ETV6: variants seen among roughly 807,000 people sequenced by gnomAD.
The protein encoded by ETV6 is transcription factor ETV6.
In ETV6, 16 loss-of-function variants were observed where a neutral mutation model predicts 51.1. That is an observed-to-expected ratio of 0.31 (90% confidence interval 0.21 to 0.48). The LOEUF (loss-of-function observed/expected upper bound fraction) is 0.48. Among genes scored for constraint, ETV6 ranks in the 20% least tolerant of loss-of-function variants. The probability of loss-of-function intolerance (pLI) is 0.99; values close to 1 mark genes in which losing one functional copy is unlikely to be tolerated. For missense variants in ETV6, 458 were observed against 594.8 expected (o/e 0.77, Z 2.39); for synonymous variants, 240 against 224.1 (o/e 1.07, Z -0.64).
intron 5 of ETV6, among the ~76,000 whole-genome samples, chr12:11,874,096 C>G (rs1946924538): frequency 8.9e-6 from 1 of 111,826 alleles, no homozygotes; most frequent in Non-Finnish European, 1.8e-5. Flanking sequence ...ATTTTTCAGG[C>G]TGGGTACTGT....
At chr12:11,688,842 G>C (rs373896868) in intron 1 of ETV6, among the ~76,000 whole-genome samples, 1 of 152,210 alleles carries the variant, frequency 6.6e-6, no homozygotes, top group Non-Finnish European at 1.5e-5. Context: ...TATGTTTAGA[G>C]AGCAAGGTTA....
At chr12:11,771,867 T>C (rs957216853) in intron 2 of ETV6, among the ~76,000 whole-genome samples, 2 of 152,184 alleles carry the variant, frequency 1.3e-5, no homozygotes, top group Non-Finnish European at 2.9e-5. Context: ...AGCAAGAATG[T>C]AACTTGGAGT....
intron 2 of ETV6, among the ~76,000 whole-genome samples, chr12:11,803,415 A>G (rs916570692): frequency 1.3e-5 from 2 of 152,206 alleles, no homozygotes; most frequent in East Asian, 3.8e-4. Context: ...AATGAATCCT[A>G]AAAGTCAAAA....
At chr12:11,819,199 C>G (rs1946040084) in intron 2 of ETV6, among the ~76,000 whole-genome samples, 1 of 152,194 alleles carries the variant, frequency 6.6e-6, no homozygotes, top group African/African-American at 2.4e-5. Context: ...AGCGCCTCAA[C>G]CCTCCGTGAT....
intron 2 of ETV6, among the ~76,000 whole-genome samples, chr12:11,767,663 C>T (rs926596211): frequency 1.3e-5 from 2 of 152,184 alleles, no homozygotes; most frequent in African/African-American, 4.8e-5. Context: ...ACTCTATGAC[C>T]TTAATAAACT....
At chr12:11,706,967 G>A (rs1865083574) in intron 1 of ETV6, among the ~76,000 whole-genome samples, 1 of 152,194 alleles carries the variant, frequency 6.6e-6, no homozygotes, top group Non-Finnish European at 1.5e-5. Context: ...TATTTGAAAA[G>A]GAAGACAAAC....
At chr12:11,797,301 CCA>C (rs1434217101) in intron 2 of ETV6, among the ~76,000 whole-genome samples, 1 of 152,122 alleles carries the variant, frequency 6.6e-6, no homozygotes, top group Non-Finnish European at 1.5e-5. Flanking sequence ...TCGGCTGTAC[CCA>C]CAGAGTCAGG....
intron 1 of ETV6, among the ~76,000 whole-genome samples, chr12:11,655,083 G>T (rs1863975639): frequency 6.6e-6 from 1 of 152,150 alleles, no homozygotes; most frequent in Non-Finnish European, 1.5e-5. Flanking sequence ...GGCAAGGTGG[G>T]GGCACAGGGT....
At chr12:11,867,039 CAG>C (rs1239903045) in intron 4 of ETV6, among the ~76,000 whole-genome samples, 1 of 152,340 alleles carries the variant, frequency 6.6e-6, no homozygotes, top group Non-Finnish European at 1.5e-5. Flanking sequence ...TCAACAGAAT[CAG>C]GGGGAAAGCT....
intron 1 of ETV6, among the ~76,000 whole-genome samples, chr12:11,748,752 G>A (rs1487645428): frequency 6.6e-6 from 1 of 152,146 alleles, no homozygotes; most frequent in East Asian, 1.9e-4. Context: ...TAAGCATTCA[G>A]TTTAAAAATG....
chr12:11,887,394 A>T (rs1211212685), intron 7 of ETV6, among the ~76,000 whole-genome samples: 1 of 152,168 alleles, frequency 6.6e-6, no homozygotes, highest in African/African-American at 2.4e-5. Context: ...GTCCCCTTAA[A>T]TATCACATTT....
At position 11,869,638 on chromosome 12, in the gene ETV6, G is replaced by T; in HGVS notation, c.678G>T (p.Glu226Asp). 1.2e-6 allele frequency: 2 copies of T among 1,614,168 alleles called. No individual in the cohort carries two copies. Among genetic ancestry groups the T allele is most frequent in the African/African-American group, 1.3e-5 (1 of 75,052 alleles). Residue 226 changes from glutamate to aspartate, a missense_variant, in exon 5 of 8, where the codon GAG becomes GAT. By Grantham distance (45) the Glu-to-Asp change is conservative. Coordinates refer to ENST00000396373, the MANE Select transcript of ETV6 (RefSeq NM_001987.5). This position sits in a 1 kb window ranked among gnomAD's most constrained non-coding sequence, Gnocchi z 5.0. ...CTCAGGGACCCAGGCCGCACCAGGA[G>T]AACAACCACCAGGAGTCCTACCCTC... ...ERAQGPRPHQ[E>D]NNHQESYPLS...
Position 11,725,709 on chromosome 12 carries a change from G to A in ETV6, c.34-26741G>A, listed in dbSNP as rs144883313. On this transcript the variant is annotated intron_variant, in intron 1 of 7. Coordinates refer to ENST00000396373, the MANE Select transcript of ETV6 (RefSeq NM_001987.5). Reference sequence around the variant, plus strand: ...TGAGTAGATTGCTGCCCTCCCTGTGGTGGGGTGAGTGAGTTCTCGCTCTGT... The same window carrying A: ...TGAGTAGATTGCTGCCCTCCCTGTGATGGGGTGAGTGAGTTCTCGCTCTGT... 3.6e-3 allele frequency among the ~76,000 whole-genome samples: 552 copies of A among 152,256 alleles called. 3 individuals are homozygous for A. Among genetic ancestry groups the A allele is most frequent in the Middle Eastern group, 6.8e-3 (2 of 294 alleles).
intron 1 of ETV6, among the ~76,000 whole-genome samples, chr12:11,673,306 G>C (rs79750473): frequency 2.0e-4 from 30 of 152,166 alleles, no homozygotes; most frequent in Non-Finnish European, 4.4e-5. Context: ...AGAATTTGGA[G>C]ATGTCCATGA....
At chr12:11,853,695 T>G in intron 4 of ETV6, 134 bp downstream of exon 4, 1 of 987,566 alleles carries the variant, frequency 1.0e-6, no homozygotes, top group Non-Finnish European at 1.5e-6. Flanking sequence ...GTGCTTACTA[T>G]GTACAAAATA....
chr12:11,698,568 C>G (rs182346588), intron 1 of ETV6, among the ~76,000 whole-genome samples: 136 of 150,022 alleles, frequency 9.1e-4, no homozygotes, highest in Admixed American at 7.4e-3. Context: ...GGCCTCCCAA[C>G]CTAGACACCC....
intron 1 of ETV6, chr12:11,751,292 G>A (rs1591649067): frequency 9.7e-6 from 5 of 516,772 alleles, no homozygotes; most frequent in East Asian, 5.5e-5. Context: ...TTTCCAAAAC[G>A]TAAACACTGC....
At chr12:11,795,381 A>G (rs1945661051) in intron 2 of ETV6, among the ~76,000 whole-genome samples, 1 of 152,162 alleles carries the variant, frequency 6.6e-6, no homozygotes, top group African/African-American at 2.4e-5. Flanking sequence ...TATCCTTGGA[A>G]CTGGTGCCCA....
intron 1 of ETV6, among the ~76,000 whole-genome samples, chr12:11,736,703 T>G (rs188311139): frequency 2.0e-5 from 3 of 152,236 alleles, no homozygotes; most frequent in Admixed American, 1.3e-4. Context: ...GTCACAGAAC[T>G]GGGTGATAGG....
Sources: gnomAD v4.1 joint callset for allele counts (sites outside exome capture counted in the v4.1 genomes callset) on GRCh38, gnomAD v4.1.1 for gene constraint, Gnocchi (gnomAD v3.1) non-coding constraint, MANE v1.5 for transcripts, NCBI Gene and HGNC (gene_info 2026-07-23, HGNC 2026-07-21) for gene names.